The following KCNIP4 variants were observed in gnomAD, a reference collection of about 807,000 sequenced individuals.
The protein encoded by KCNIP4 is potassium voltage-gated channel interacting protein 4.
KCNIP4 carries 12 observed loss-of-function variants against 34.0 expected under a neutral mutation model. The observed-to-expected ratio is 0.35, with a 90% confidence interval of 0.23 to 0.57. KCNIP4 has a LOEUF of 0.57. Among genes scored for constraint, KCNIP4 ranks in the 20% least tolerant of loss-of-function variants. The pLI is 0.83. For missense variants in KCNIP4, 238 were observed against 311.7 expected (o/e 0.76, Z 1.78); for synonymous variants, 124 against 102.2 (o/e 1.21, Z -1.29).
At chr4:21,106,715 G>T (rs555772680) in intron 1 of KCNIP4, among the ~76,000 whole-genome samples, 2 of 151,382 alleles carry the variant, frequency 1.3e-5, no homozygotes, top group Non-Finnish European at 2.9e-5. Context: ...GATCTTTCCT[G>T]CTTTCTCTTG....
chr4:21,135,378 C>T (rs74343445), intron 1 of KCNIP4, among the ~76,000 whole-genome samples: 2,619 of 152,170 alleles, frequency 0.017, 85 homozygotes, highest in African/African-American at 0.059. Flanking sequence ...TCTATTGGAC[C>T]CCTAAAGTAA....
chr4:21,672,302 A>AAAAC (rs1460669973), intron 1 of KCNIP4, among the ~76,000 whole-genome samples: 1 of 152,134 alleles, frequency 6.6e-6, no homozygotes, highest in Non-Finnish European at 1.5e-5. Context: ...AAAACAAAAC[A>AAAAC]AAAAGATACT....
intron 3 of KCNIP4, among the ~76,000 whole-genome samples, chr4:20,772,790 C>T (rs1481184216): frequency 6.6e-6 from 1 of 151,874 alleles, no homozygotes; most frequent in South Asian, 2.1e-4. Flanking sequence ...TACAGGCGCC[C>T]GCCACGACGC....
At chr4:20,960,495 G>A (rs1451931763) in intron 1 of KCNIP4, among the ~76,000 whole-genome samples, 3 of 152,178 alleles carry the variant, frequency 2.0e-5, no homozygotes. Flanking sequence ...TTCCTGCTCT[G>A]CCCCCTGTGC....
intron 1 of KCNIP4, among the ~76,000 whole-genome samples, chr4:21,142,960 A>C (rs1237431412): frequency 6.6e-6 from 1 of 151,994 alleles, no homozygotes; most frequent in African/African-American, 2.4e-5. Context: ...GGATCCTGCA[A>C]ACTAAGACAT....
In KCNIP4 at chr4:21,004,513, T is replaced by C. The variant is rs562375619; in HGVS notation, c.62-121804A>G. ...ACACAGAGGTGATGGTCCATACCAT[T>C]GCAATGTGTGAGACTCCCCAAGGCA... On this transcript the variant is annotated intron_variant, in intron 1 of 8. Coordinates refer to ENST00000382152, the MANE Select transcript of KCNIP4 (RefSeq NM_025221.6). Among the ~76,000 whole-genome samples, 6 of 152,242 alleles carry C rather than the reference T, an allele frequency of 3.9e-5. No homozygotes were observed. In the East Asian group the frequency reaches 1.2e-3, roughly 30 times the overall value.
At chr4:21,809,273 C>T (rs1300510801) in intron 1 of KCNIP4, among the ~76,000 whole-genome samples, 1 of 152,112 alleles carries the variant, frequency 6.6e-6, no homozygotes, top group Non-Finnish European at 1.5e-5. Flanking sequence ...CTGAGACATC[C>T]ATCTTCTCCT....
chr4:21,013,733 T>C (rs1160849632), intron 1 of KCNIP4, among the ~76,000 whole-genome samples: 1 of 152,194 alleles, frequency 6.6e-6, no homozygotes, highest in Non-Finnish European at 1.5e-5. Flanking sequence ...ATTCTGTGCC[T>C]GAAATTGGAA....
chr4:21,750,922 C>T (rs967311314), intron 1 of KCNIP4, among the ~76,000 whole-genome samples: 7 of 152,068 alleles, frequency 4.6e-5, no homozygotes, highest in African/African-American at 1.4e-4. Flanking sequence ...GTGGGTTTGC[C>T]GCACCTCCTA....
chr4:21,034,525 T>C (rs953320008), intron 1 of KCNIP4, among the ~76,000 whole-genome samples: 2 of 152,162 alleles, frequency 1.3e-5, no homozygotes, highest in African/African-American at 4.8e-5. Flanking sequence ...CCCTTGTCTT[T>C]TCCCCTGGTC....
intron 1 of KCNIP4, among the ~76,000 whole-genome samples, chr4:21,038,327 A>G (rs1400145811): frequency 6.6e-6 from 1 of 152,164 alleles, no homozygotes; most frequent in African/African-American, 2.4e-5. Flanking sequence ...GATTATCACT[A>G]AATTTAACCC....
At chr4:20,907,542 T>A (rs956146169) in intron 1 of KCNIP4, among the ~76,000 whole-genome samples, 2 of 152,154 alleles carry the variant, frequency 1.3e-5, no homozygotes, top group Admixed American at 6.5e-5. Flanking sequence ...ACACTGGCAA[T>A]AACAGACATA....
intron 1 of KCNIP4, among the ~76,000 whole-genome samples, chr4:21,793,235 T>C (rs1022767633): frequency 6.6e-6 from 1 of 152,186 alleles, no homozygotes; most frequent in Non-Finnish European, 1.5e-5. Flanking sequence ...CTGTGCACAT[T>C]GACACGTTCT....
chr4:21,790,394 T>C (rs1175437489), intron 1 of KCNIP4, among the ~76,000 whole-genome samples: 1 of 152,330 alleles, frequency 6.6e-6, no homozygotes, highest in South Asian at 2.1e-4. Flanking sequence ...ATCTTGTGTT[T>C]AGAGTATGTT....
chr4:21,107,296 T>A (rs563847307), intron 1 of KCNIP4, among the ~76,000 whole-genome samples: 7,519 of 128,386 alleles, frequency 0.059, 369 homozygotes, highest in African/African-American at 0.097. Flanking sequence ...ATTGGGTGCC[T>A]CTATATTTAG....
intron 1 of KCNIP4, among the ~76,000 whole-genome samples, chr4:20,942,411 A>G (rs1731733630): frequency 6.6e-6 from 1 of 152,246 alleles, no homozygotes; most frequent in African/African-American, 2.4e-5. Context: ...CTGTGCAAAT[A>G]GAACATCTCC....
intron 1 of KCNIP4, among the ~76,000 whole-genome samples, chr4:21,104,912 T>A (rs945044849): frequency 6.6e-5 from 10 of 151,550 alleles, no homozygotes; most frequent in African/African-American, 2.4e-4. Flanking sequence ...TGTAGATGTG[T>A]GGTATTCTTT....
At chr4:21,455,733 C>T (rs1182218096) in intron 1 of KCNIP4, among the ~76,000 whole-genome samples, 2 of 142,616 alleles carry the variant, frequency 1.4e-5, no homozygotes, top group Non-Finnish European at 3.0e-5. Context: ...TCTCTCCCTC[C>T]CTTTCTTTCT....
intron 1 of KCNIP4, among the ~76,000 whole-genome samples, chr4:21,809,593 T>C (rs1721502301): frequency 1.3e-5 from 2 of 152,208 alleles, no homozygotes; most frequent in Non-Finnish European, 1.5e-5. Flanking sequence ...CCAGGCTTCA[T>C]CATGCATACC....
Sources: allele counts gnomAD v4.1 joint callset (sites outside exome capture counted in the v4.1 genomes callset), GRCh38; gene constraint gnomAD v4.1.1; transcripts MANE v1.5; gene names NCBI Gene and HGNC (gene_info 2026-07-23, HGNC 2026-07-21).